CLVS1: variants seen among roughly 807,000 people sequenced by gnomAD.
CLVS1 encodes the protein clavesin 1.
Under a neutral mutation model 33.1 loss-of-function variants are expected in CLVS1, and 10 were observed. The observed-to-expected ratio is 0.30, with a 90% confidence interval of 0.19 to 0.51. The LOEUF is 0.51. CLVS1 is among the 20% of genes least tolerant of loss of function. CLVS1 has a pLI of 0.97. For synonymous variants in CLVS1, 163 were observed against 166.1 expected, an observed-to-expected ratio of 0.98 and a Z score of 0.14; for missense variants, 343 against 433.4, an observed-to-expected ratio of 0.79 and a Z score of 1.85.
chr8:61,277,174 T>G (rs1809574928), intron 2 of CLVS1, among the ~76,000 whole-genome samples: 1 of 152,188 alleles, frequency 6.6e-6, no homozygotes, highest in Admixed American at 6.5e-5. Context: ...AAGCACTACC[T>G]TTAGGCTAAA....
chr8:61,157,456 T>G (rs1373077433), intron 2 of CLVS1, among the ~76,000 whole-genome samples: 1 of 151,778 alleles, frequency 6.6e-6, no homozygotes, highest in African/African-American at 2.4e-5. Context: ...AAATATAGGG[T>G]TAGCTTTATA....
chr8:61,198,921 G>A (rs1049271190), intron 2 of CLVS1, among the ~76,000 whole-genome samples: 2 of 152,176 alleles, frequency 1.3e-5, no homozygotes, highest in Non-Finnish European at 2.9e-5. Context: ...AGGGTGAGTA[G>A]TATTCTGTGA....
intron 1 of CLVS1, among the ~76,000 whole-genome samples, chr8:61,120,431 TGGA>T (rs1585624459): frequency 7.6e-6 from 1 of 131,438 alleles, no homozygotes; most frequent in Admixed American, 7.6e-5. Context: ...TGCGTTCCTT[TGGA>T]GGAGGAGAGG....
At chr8:61,072,350 T>C (rs1250247007) in intron 1 of CLVS1, among the ~76,000 whole-genome samples, 1 of 152,240 alleles carries the variant, frequency 6.6e-6, no homozygotes, top group African/African-American at 2.4e-5. Flanking sequence ...GTTTCTAGTG[T>C]AAAATATGAA....
chr8:61,036,932 G>A, the CLVS1 span, among the ~76,000 whole-genome samples: 7 of 152,154 alleles, frequency 4.6e-5, no homozygotes, highest in African/African-American at 1.4e-4. Flanking sequence ...CCCATCGTGG[G>A]TGAGATGTGG....
chr8:61,387,486 TTA>T (rs1290914824), intron 3 of CLVS1, among the ~76,000 whole-genome samples: 22 of 149,912 alleles, frequency 1.5e-4, no homozygotes, highest in African/African-American at 2.2e-4. Flanking sequence ...TTTTTTTTTT[TTA>T]AATTTCAATA....
intron 2 of CLVS1, among the ~76,000 whole-genome samples, chr8:61,330,201 G>T (rs904171264): frequency 6.6e-6 from 1 of 152,124 alleles, no homozygotes; most frequent in Non-Finnish European, 1.5e-5. Flanking sequence ...CAAGGCTGAG[G>T]ACTGACCAAG....
chr8:61,202,294 C>A lies in CLVS1; in HGVS notation c.-152+70434C>A, dbSNP rs1356618710. On this transcript the variant is annotated intron_variant, in intron 2 of 2. Coordinates refer to the CLVS1 transcript ENST00000522621. The stretch of plus-strand genomic sequence containing the variant: ...CATCCTGTGTGGCTGTTCTCTGGAG[C>A]AGCATTCGTTTATCTTCGTCCGCCT... The A allele has an allele frequency of 1.3e-5, 8 of 627,926 alleles. No individual in the cohort carries two copies. In the East Asian group the frequency reaches 2.2e-4, roughly 17 times the overall value. 38.9% of individuals were successfully genotyped at this position (627,926 alleles called of 1,614,324 possible).
the CLVS1 span, among the ~76,000 whole-genome samples, chr8:61,018,086 G>GT: frequency 6.6e-6 from 1 of 152,210 alleles, no homozygotes; most frequent in African/African-American, 2.4e-5. Flanking sequence ...CAGGCAGAGT[G>GT]TGGGAGCTTT....
intron 3 of CLVS1, among the ~76,000 whole-genome samples, chr8:61,453,004 C>G (rs1817017216): frequency 6.6e-6 from 1 of 152,098 alleles, no homozygotes; most frequent in Non-Finnish European, 1.5e-5. Context: ...TGAGGCATCT[C>G]ATATACCCGC....
the CLVS1 span, among the ~76,000 whole-genome samples, chr8:60,995,363 A>G: frequency 6.6e-6 from 1 of 152,282 alleles, no homozygotes; most frequent in East Asian, 1.9e-4. Flanking sequence ...ACATGAACAG[A>G]CACTTCTTAA....
the CLVS1 span, among the ~76,000 whole-genome samples, chr8:61,050,625 T>A: frequency 2.1e-3 from 286 of 137,544 alleles, 1 homozygote; most frequent in African/African-American, 7.4e-3. Flanking sequence ...AGGGCTGACC[T>A]GGGCACACAG....
chr8:60,976,822 C>T, the CLVS1 span, among the ~76,000 whole-genome samples: 3 of 152,334 alleles, frequency 2.0e-5, no homozygotes, highest in South Asian at 2.1e-4. Context: ...GGCTTTCTGC[C>T]GCCCAGTGGG....
intron 2 of CLVS1, among the ~76,000 whole-genome samples, chr8:61,132,431 G>A (rs1806118271): frequency 6.6e-6 from 1 of 152,230 alleles, no homozygotes; most frequent in Non-Finnish European, 1.5e-5. Flanking sequence ...AACGCGGGCT[G>A]AGGCTTTGGG....
At chr8:61,491,338 T>C (rs1804081263) in intron 5 of CLVS1, among the ~76,000 whole-genome samples, 1 of 152,188 alleles carries the variant, frequency 6.6e-6, no homozygotes, top group Non-Finnish European at 1.5e-5. Context: ...AGCAAGTTAG[T>C]GACATGAGTG....
chr8:61,176,517 T>A (rs976459745), intron 2 of CLVS1, among the ~76,000 whole-genome samples: 33 of 152,130 alleles, frequency 2.2e-4, no homozygotes, highest in Non-Finnish European at 3.7e-4. Context: ...TTTTTTTTTT[T>A]AAATTTTAAA....
chr8:61,312,321 G>A (rs536494276), intron 2 of CLVS1, among the ~76,000 whole-genome samples: 312 of 152,292 alleles, frequency 2.0e-3, no homozygotes, highest in Admixed American at 3.0e-3. Context: ...AAGATTAAGT[G>A]CCCATGCTTC....
intron 3 of CLVS1, among the ~76,000 whole-genome samples, chr8:61,403,958 A>G (rs1021170059): frequency 2.6e-5 from 4 of 152,240 alleles, no homozygotes; most frequent in Non-Finnish European, 5.9e-5. Flanking sequence ...AGTAGGAGCT[A>G]TTTGGCTACA....
chr8:61,411,517 A>G (rs376484174), intron 3 of CLVS1, among the ~76,000 whole-genome samples: 1 of 152,214 alleles, frequency 6.6e-6, no homozygotes, highest in South Asian at 2.1e-4. Flanking sequence ...TAAATTAAAC[A>G]CACAGGAAGA....
Sources: gnomAD v4.1 joint callset for allele counts (sites outside exome capture counted in the v4.1 genomes callset) on GRCh38, gnomAD v4.1.1 for gene constraint, MANE v1.5 for transcripts, NCBI Gene and HGNC (gene_info 2026-07-23, HGNC 2026-07-21) for gene names.